APOLD1: variants seen among roughly 807,000 people sequenced by gnomAD.
APOLD1 encodes apolipoprotein L domain containing 1, also known as apolipoprotein L domain-containing protein 1.
APOLD1 carries 22 observed loss-of-function variants against 15.3 expected under a neutral mutation model. The ratio of observed to expected loss-of-function variants is 1.44; its 90% CI spans 1.03 to 2.05. The LOEUF (loss-of-function observed/expected upper bound fraction) is 2.05. APOLD1 is among the 30% of genes most tolerant of loss of function. The pLI is 0.00. For synonymous variants in APOLD1, 190 were observed against 167.4 expected (o/e 1.13, Z -1.04); for missense variants, 394 against 353.5 (o/e 1.11, Z -0.92).
intron 1 of APOLD1, among the ~76,000 whole-genome samples, chr12:12,756,067 A>T (rs962069715): frequency 1.3e-5 from 2 of 152,216 alleles, no homozygotes; most frequent in African/African-American, 2.4e-5. Context: ...GAAGTCTGGT[A>T]GCAACTGGGA....
At chr12:12,749,911 G>T (rs540579342) in intron 1 of APOLD1, among the ~76,000 whole-genome samples, 50 of 152,290 alleles carry the variant, frequency 3.3e-4, no homozygotes, top group Admixed American at 9.1e-4. Flanking sequence ...ACAACTTGCA[G>T]TCAAGACCCT....
At chr12:12,759,857 ACTT>A (rs1565432268) in intron 1 of APOLD1, among the ~76,000 whole-genome samples, 1 of 152,214 alleles carries the variant, frequency 6.6e-6, no homozygotes, top group Non-Finnish European at 1.5e-5. Context: ...CTAAATTTCT[ACTT>A]CTTACCATTG....
intron 1 of APOLD1, among the ~76,000 whole-genome samples, chr12:12,742,669 G>A (rs562107024): frequency 6.6e-6 from 1 of 152,262 alleles, no homozygotes; most frequent in South Asian, 2.1e-4. Context: ...GGAGGCTGAG[G>A]CAGAGAATTG....
chr12:12,784,607 G>T (rs1188852326), upstream of APOLD1, among the ~76,000 whole-genome samples: 2 of 152,160 alleles, frequency 1.3e-5, no homozygotes, highest in African/African-American at 4.8e-5. Context: ...GGCTGTTAAG[G>T]CTTTCCAGGT....
In APOLD1 at chr12:12,745,826, T is replaced by C. The variant is rs900989998; in HGVS notation, c.96+19730T>C. On this transcript the variant is annotated intron_variant, in intron 1 of 1. Coordinates refer to the APOLD1 transcript ENST00000326765. ...AGGCAAGGAAAATGCCAAGTGGTCT[T>C]GCCTACAGCAGATCTTTCAGCCCGC... Among the ~76,000 whole-genome samples the C allele has an allele frequency of 2.6e-5, 4 of 152,200 alleles. No individual in the cohort carries two copies. In the East Asian group the frequency reaches 7.7e-4, roughly 29 times the overall value.
At chr12:12,728,660 T>C (rs1384289310) in intron 1 of APOLD1, among the ~76,000 whole-genome samples, 3 of 74,132 alleles carry the variant, frequency 4.0e-5, no homozygotes, top group Non-Finnish European at 4.6e-5. Flanking sequence ...AGTGAGACCC[T>C]GTCTCAAAAA....
chr12:12,744,409 G>A (rs1014003713), intron 1 of APOLD1, among the ~76,000 whole-genome samples: 1 of 151,382 alleles, frequency 6.6e-6, no homozygotes, highest in African/African-American at 2.4e-5. Context: ...AGGAGTTCGA[G>A]ACCAGCCTGG....
chr12:12,773,342 C>T (rs1365753624), intron 1 of APOLD1, among the ~76,000 whole-genome samples: 1 of 152,090 alleles, frequency 6.6e-6, no homozygotes. Context: ...GGGAAGATTG[C>T]TTGAGGCCAG....
chr12:12,745,494 C>T (rs540390660), intron 1 of APOLD1, among the ~76,000 whole-genome samples: 7 of 152,086 alleles, frequency 4.6e-5, no homozygotes, highest in Non-Finnish European at 7.4e-5. Context: ...CGTGCCACTG[C>T]GCTCCAGCCT....
chr12:12,787,516 A>C lies in APOLD1; in HGVS notation c.611A>C (p.Glu204Ala), dbSNP rs1832834583. Residue 204 changes from glutamate to alanine, a missense_variant, in exon 2 of 2, where the codon GAG becomes GCG. Coordinates refer to ENST00000356591, the MANE Select transcript of APOLD1 (RefSeq NM_030817.3). This position sits in a 1 kb window ranked among gnomAD's most constrained non-coding sequence, Gnocchi z 4.9. Reference sequence around the variant, plus strand: ...AAGGCCAAGATTCAGAAACTGGCCGAGAGCCTGGAGTCCTGCACCGGGGCT... The same window carrying C: ...AAGGCCAAGATTCAGAAACTGGCCGCGAGCCTGGAGTCCTGCACCGGGGCT... ...VLKAKIQKLA[E>A]SLESCTGALD... The C allele has an allele frequency of 4.3e-6, 7 of 1,614,066 alleles. No individual in the cohort carries two copies. The highest frequency in any genetic ancestry group is 5.9e-6 in the Non-Finnish European group (7 of 1,180,044).
At chr12:12,740,944 C>A (rs1033256820) in intron 1 of APOLD1, among the ~76,000 whole-genome samples, 1 of 151,984 alleles carries the variant, frequency 6.6e-6, no homozygotes, top group African/African-American at 2.4e-5. Context: ...ATCAGAATGC[C>A]AATTACTCAA....
At chr12:12,777,631 C>T (rs11055063) in intron 1 of APOLD1, among the ~76,000 whole-genome samples, 6,724 of 151,522 alleles carry the variant, frequency 0.044, 201 homozygotes, top group Non-Finnish European at 0.067. Context: ...ATCTGAAATC[C>T]GAAATGTTCC....
chr12:12,760,241 A>T (rs1410765183), intron 1 of APOLD1, among the ~76,000 whole-genome samples: 1 of 152,074 alleles, frequency 6.6e-6, no homozygotes, highest in Non-Finnish European at 1.5e-5. Context: ...TGGGAGGATC[A>T]CTTGAGCCTG....
chr12:12,787,164 G>T lies in APOLD1; in HGVS notation c.259G>T (p.Val87Leu). 3 of 1,523,036 alleles carry T rather than the reference G, an allele frequency of 2.0e-6. No individual in the cohort carries two copies. The highest frequency in any genetic ancestry group is 2.6e-6 in the Non-Finnish European group (3 of 1,145,540). 94.3% of individuals were successfully genotyped at this position (1,523,036 alleles called of 1,614,324 possible). ...SPVTLGTSLL[V>L]SAVGLGVATA... ...GGTCACCCTGGGGACCTCGCTGCTG[G>T]TGTCGGCCGTGGGGCTGGGGGTGGC... is the stretch of plus-strand genomic sequence containing the variant. The change falls in exon 2 of 2, where the codon GTG (valine) becomes TTG (leucine). Residue 87 changes from valine to leucine, a missense_variant. Transcript: ENST00000356591. The surrounding 1 kb of genome is among the most constrained non-coding windows in gnomAD (Gnocchi z 4.9).
intron 1 of APOLD1, among the ~76,000 whole-genome samples, chr12:12,746,828 ATTC>A (rs1454995572): frequency 1.3e-5 from 2 of 151,796 alleles, no homozygotes; most frequent in African/African-American, 4.8e-5. Context: ...CCCAGTGTCT[ATTC>A]TTATTTTTAT....
intron 1 of APOLD1, chr12:12,726,148 T>C: frequency 2.2e-6 from 1 of 458,136 alleles, no homozygotes; most frequent in South Asian, 2.7e-5. Context: ...AGAACACCTC[T>C]TCGCAACCAA....
At chr12:12,765,488 C>A (rs1021038043) in intron 1 of APOLD1, among the ~76,000 whole-genome samples, 1 of 152,058 alleles carries the variant, frequency 6.6e-6, no homozygotes, top group Admixed American at 6.6e-5. Flanking sequence ...TAAGAAAACC[C>A]CTAAATGGTT....
chr12:12,746,297 A>G (rs1325442190), intron 1 of APOLD1, among the ~76,000 whole-genome samples: 1 of 152,218 alleles, frequency 6.6e-6, no homozygotes, highest in Non-Finnish European at 1.5e-5. Context: ...GGAGTTCGAG[A>G]CCAACCTGGC....
chr12:12,786,968 G>C lies in APOLD1; in HGVS notation c.63G>C (p.Gln21His), dbSNP rs946797334. The change falls in exon 2 of 2, where the codon CAG (glutamine) becomes CAC (histidine). Residue 21 changes from glutamine (Q) to histidine (H), a missense_variant. Physicochemically the swap from Gln to His is conservative, Grantham distance 24. Transcript: ENST00000356591. Reference protein sequence around the residue: ...PHGPDALRRFQGLLLDRRGRL... With the variant: ...PHGPDALRRFHGLLLDRRGRL... ...GGCCCGACGCGCTGCGGCGCTTCCAGGGACTGCTGCTGGACCGCCGAGGCC... is the reference window on the plus strand; with the variant it reads ...GGCCCGACGCGCTGCGGCGCTTCCACGGACTGCTGCTGGACCGCCGAGGCC... The C allele has an allele frequency of 2.7e-6, 4 of 1,458,818 alleles. No homozygotes were observed. In the African/African-American group the frequency reaches 4.4e-5, roughly 16 times the overall value. 90.4% of individuals were successfully genotyped at this position (1,458,818 alleles called of 1,614,324 possible).
Sources: allele counts gnomAD v4.1 joint callset (sites outside exome capture counted in the v4.1 genomes callset), GRCh38; gene constraint gnomAD v4.1.1; non-coding constraint Gnocchi (gnomAD v3.1); transcripts MANE v1.5; gene names NCBI Gene and HGNC (gene_info 2026-07-23, HGNC 2026-07-21).